FHAD1: variants seen among roughly 807,000 people sequenced by gnomAD.
The protein encoded by FHAD1 is forkhead-associated domain-containing protein 1.
In FHAD1, 146 loss-of-function variants were observed where a neutral mutation model predicts 191.3. That is an observed-to-expected ratio of 0.76 (90% CI 0.67 to 0.88). FHAD1 has a LOEUF of 0.88. FHAD1 is among the 40% of genes least tolerant of loss of function. The pLI is 0.00. For missense variants in FHAD1, 1,635 were observed against 1,785.8 expected (o/e 0.92, Z 1.52); for synonymous variants, 616 against 672.3 (o/e 0.92, Z 1.29).
chr1:15,375,609 A>G lies in FHAD1; in HGVS notation c.3584A>G (p.Lys1195Arg). 1 of 1,528,842 alleles carries G rather than the reference A, an allele frequency of 6.5e-7. No homozygotes were observed. The highest frequency in any genetic ancestry group is 8.8e-7 in the Non-Finnish European group (1 of 1,140,392). The allele number at this position is 1,528,842 out of a possible 1,614,324, so 94.7% of individuals were successfully genotyped here. A position where few individuals can be genotyped will look rare whatever the true frequency, so the allele number is the denominator to read the frequency against. ...TACTTTATTTCTTTTACAGATCATAAAGACCACCAGAATGAATCATTTCTA... is the reference window on the plus strand; with the variant it reads ...TACTTTATTTCTTTTACAGATCATAGAGACCACCAGAATGAATCATTTCTA... ...ELEKARSPDH[K>R]DHQNESFLDL... Residue 1195 changes from lysine to arginine, a missense_variant, in exon 28 of 34, where the codon AAA becomes AGA. Transcript: ENST00000688493.
chr1:15,326,944 A>T lies in FHAD1; in HGVS notation c.1474-115A>T, dbSNP rs1678920013. 6.2e-6 allele frequency: 4 copies of T among 643,100 alleles called. No individual in the cohort carries two copies. In the East Asian group the frequency reaches 1.1e-4, roughly 18 times the overall value. The allele number at this position is 643,100 out of a possible 1,614,324, so 39.8% of individuals were successfully genotyped here. ...AAGATTCTGATAACGCGGAATGGTC[A>T]TTCAGGCGTGCAAACCCTGCTAAGT... On this transcript the variant is annotated intron_variant, in intron 11 of 33. Coordinates refer to ENST00000688493, the MANE Select transcript of FHAD1 (RefSeq NM_001391957.1).
At chr1:15,386,742 G>A (rs2103051391) in intron 31 of FHAD1, among the ~76,000 whole-genome samples, 1 of 152,196 alleles carries the variant, frequency 6.6e-6, no homozygotes, top group South Asian at 2.1e-4. Flanking sequence ...ATGAAAATGT[G>A]CCTAACCCAC....
At chr1:15,401,163 AAG>A (rs1174538124), downstream of FHAD1, among the ~76,000 whole-genome samples, 2 of 152,192 alleles carry the variant, frequency 1.3e-5, no homozygotes, top group Non-Finnish European at 2.9e-5. Flanking sequence ...CTTAAACAGA[AAG>A]AGAGTTTACT....
In FHAD1 at chr1:15,276,037, T is replaced by C. The variant is rs114962869; in HGVS notation, c.300+3508T>C. ...GCAGAAGTTAGAGACCCAAATGTGT[T>C]TGTAGACATCACAGTGGCTAGCGTG... On this transcript the variant is annotated intron_variant, in intron 3 of 33. Coordinates refer to ENST00000688493, the MANE Select transcript of FHAD1 (RefSeq NM_001391957.1). The surrounding 1 kb of genome is among the most constrained non-coding windows in gnomAD (Gnocchi z 4.7). 9.2e-5 allele frequency among the ~76,000 whole-genome samples: 14 copies of C among 152,292 alleles called. No homozygotes were observed. The highest frequency in any genetic ancestry group is 1.8e-4 in the Non-Finnish European group (12 of 68,028).
intron 14 of FHAD1, among the ~76,000 whole-genome samples, chr1:15,336,862 G>A (rs911509540): frequency 1.3e-5 from 2 of 152,258 alleles, no homozygotes; most frequent in Admixed American, 6.5e-5. Context: ...CCCTTTAGGC[G>A]CTCTGCTTCC....
intron 20 of FHAD1, among the ~76,000 whole-genome samples, chr1:15,356,382 A>G (rs1692810927): frequency 6.6e-6 from 1 of 152,190 alleles, no homozygotes; most frequent in Non-Finnish European, 1.5e-5. Context: ...ACAGCTTGCT[A>G]CATTCCTGGG....
Position 15,317,947 on chromosome 1 carries a change from G to C in FHAD1, c.1365+19G>C, listed in dbSNP as rs755452804. 1.3e-6 allele frequency: 2 copies of C among 1,497,254 alleles called. No homozygotes were observed. Among genetic ancestry groups the C allele is most frequent in the Non-Finnish European group, 1.8e-6 (2 of 1,097,788 alleles). 92.7% of individuals were successfully genotyped at this position (1,497,254 alleles called of 1,614,324 possible). A position where few individuals can be genotyped will look rare whatever the true frequency, so the allele number is the denominator to read the frequency against. ...AAGCAAGGTACGTAGTGGACAACAGGCCCAGAGAGTGGTGTGGGCGGTAGC... is the reference window on the plus strand; with the variant it reads ...AAGCAAGGTACGTAGTGGACAACAGCCCCAGAGAGTGGTGTGGGCGGTAGC... On this transcript the variant is annotated intron_variant, in intron 10 of 33. Transcript: ENST00000688493.
intron 28 of FHAD1, among the ~76,000 whole-genome samples, chr1:15,379,690 G>A (rs903779093): frequency 2.0e-5 from 3 of 152,222 alleles, no homozygotes; most frequent in Non-Finnish European, 4.4e-5. Context: ...TGCGGCTTCC[G>A]CAGTGTTTGT....
rs1672780767 is a variant in FHAD1 at position 15,313,058 on chromosome 1, G to A, written c.1041G>A (p.Gly347=). 6.4e-7 allele frequency: 1 copy of A among 1,551,482 alleles called. No individual in the cohort carries two copies. The highest frequency in any genetic ancestry group is 1.4e-5 in the African/African-American group (1 of 73,038). Residue 347 remains glycine, a splice_region_variant and synonymous_variant, in exon 8 of 34, where the codon GGG becomes GGA. Transcript: ENST00000688493. ...CTCTGCGAGTCTTCTTTTTTACAGGGATGGTGTCATCTTTGCAAAAAGACA... is the reference window on the plus strand; with the variant it reads ...CTCTGCGAGTCTTCTTTTTTACAGGAATGGTGTCATCTTTGCAAAAAGACA... ...NLKRDNAITS[G]MVSSLQKDIL...
At chr1:15,247,001 G>A (rs1573586609), upstream of FHAD1, among the ~76,000 whole-genome samples, 1 of 152,080 alleles carries the variant, frequency 6.6e-6, no homozygotes, top group Non-Finnish European at 1.5e-5. Context: ...AAGGATTCTT[G>A]AATCAAATCT....
Position 15,301,214 on chromosome 1 carries a change from A to ATTC in FHAD1, c.690_692dup (p.Leu233dup). On this transcript the variant is annotated inframe_insertion, in exon 6 of 34. Coordinates refer to ENST00000688493, the MANE Select transcript of FHAD1 (RefSeq NM_001391957.1). ...TCTGATCTCTACCCAGGATGAAATA[A>ATTC]TTCTGCTGCTGGGAAAAGAGGTCAG... 6.4e-7 allele frequency: 1 copy of ATTC among 1,551,762 alleles called. No homozygotes were observed. Among genetic ancestry groups the ATTC allele is most frequent in the Non-Finnish European group, 8.7e-7 (1 of 1,147,000 alleles).
chr1:15,337,789 A>G (rs1190058647), intron 14 of FHAD1, among the ~76,000 whole-genome samples: 2 of 151,960 alleles, frequency 1.3e-5, no homozygotes, highest in Non-Finnish European at 2.9e-5. Flanking sequence ...AACGCTCTTC[A>G]TCAGGCCACT....
intron 4 of FHAD1, among the ~76,000 whole-genome samples, chr1:15,295,803 T>C (rs1172315710): frequency 4.6e-5 from 7 of 152,168 alleles, no homozygotes; most frequent in Non-Finnish European, 7.3e-5. Context: ...GGCCATACAG[T>C]CTGTGTTGCA....
intron 3 of FHAD1, among the ~76,000 whole-genome samples, chr1:15,275,322 C>T (rs993003895): frequency 2.0e-5 from 3 of 152,214 alleles, no homozygotes; most frequent in Non-Finnish European, 4.4e-5. Flanking sequence ...CTTATTTCTA[C>T]ATGCAGTTGC....
chr1:15,255,575 C>G, intron 2 of FHAD1, among the ~76,000 whole-genome samples: 1 of 152,082 alleles, frequency 6.6e-6, no homozygotes, highest in Admixed American at 6.5e-5. Context: ...AGCCCCAGCA[C>G]GGAGACAAGC....
At chr1:15,348,205 A>G (rs1385500080) in intron 18 of FHAD1, among the ~76,000 whole-genome samples, 3 of 152,368 alleles carry the variant, frequency 2.0e-5, no homozygotes, top group East Asian at 1.9e-4. Context: ...ACTGCAAAGT[A>G]TACAATATCT....
At chr1:15,328,239 ATC>A in intron 12 of FHAD1, 36 bp from the exon 13 acceptor site, 1 of 1,301,510 alleles carries the variant, frequency 7.7e-7, no homozygotes, top group Non-Finnish European at 1.0e-6. Flanking sequence ...TGTATGTTAC[ATC>A]TTTTTTTTTT....
intron 33 of FHAD1, among the ~76,000 whole-genome samples, chr1:15,396,665 C>T (rs931820878): frequency 2.6e-5 from 4 of 151,796 alleles, no homozygotes; most frequent in African/African-American, 9.7e-5. Flanking sequence ...CAAAAATTAG[C>T]CGGGTGTGGC....
intron 5 of FHAD1, among the ~76,000 whole-genome samples, chr1:15,300,871 C>T (rs1668492463): frequency 6.6e-6 from 1 of 152,110 alleles, no homozygotes; most frequent in Non-Finnish European, 1.5e-5. Flanking sequence ...CTCTTGTTGC[C>T]CAGGCTAGAG....
Sources: allele counts gnomAD v4.1 joint callset (sites outside exome capture counted in the v4.1 genomes callset), GRCh38; gene constraint gnomAD v4.1.1; non-coding constraint Gnocchi (gnomAD v3.1); transcripts MANE v1.5; gene names NCBI Gene and HGNC (gene_info 2026-07-23, HGNC 2026-07-21).